MACROD2: variants seen among roughly 807,000 people sequenced by gnomAD.
MACROD2 encodes ADP-ribose glycohydrolase MACROD2.
Under a neutral mutation model 70.4 loss-of-function variants are expected in MACROD2, and 36 were observed. That is an observed-to-expected ratio of 0.51 (90% CI 0.39 to 0.68). The LOEUF (loss-of-function observed/expected upper bound fraction) is 0.68. Ranked by LOEUF, MACROD2 falls within the 30% of genes least tolerant of loss-of-function variation. MACROD2 has a pLI of 0.00. For synonymous variants in MACROD2, 172 were observed against 178.8 expected, an observed-to-expected ratio of 0.96 and a Z score of 0.30; for missense variants, 496 against 538.4, an observed-to-expected ratio of 0.92 and a Z score of 0.78.
chr20:14,361,682 C>T (rs1386967921), intron 3 of MACROD2, among the ~76,000 whole-genome samples: 1 of 152,054 alleles, frequency 6.6e-6, no homozygotes, highest in Non-Finnish European at 1.5e-5. Context: ...TTTAATGACC[C>T]GATACTGTTC....
At chr20:14,137,574 C>G (rs2054815948) in intron 3 of MACROD2, among the ~76,000 whole-genome samples, 2 of 152,020 alleles carry the variant, frequency 1.3e-5, no homozygotes, top group Non-Finnish European at 2.9e-5. Context: ...AACTTCATAT[C>G]CACCATGAAA....
intron 7 of MACROD2, among the ~76,000 whole-genome samples, chr20:15,436,227 A>G (rs180924404): frequency 2.3e-3 from 356 of 152,168 alleles, no homozygotes; most frequent in Middle Eastern, 6.8e-3. Context: ...GAGACTCCGT[A>G]ATTCACAAAA....
intron 8 of MACROD2, among the ~76,000 whole-genome samples, chr20:15,630,887 A>C (rs2049280557): frequency 6.6e-6 from 1 of 152,198 alleles, no homozygotes; most frequent in South Asian, 2.1e-4. Context: ...AGGGAATTTA[A>C]AGAGGGGACC....
intron 3 of MACROD2, among the ~76,000 whole-genome samples, chr20:14,266,555 A>G (rs2082145794): frequency 6.6e-6 from 1 of 152,140 alleles, no homozygotes; most frequent in African/African-American, 2.4e-5. Context: ...CATCATCTTC[A>G]TTTATATAGA....
intron 3 of MACROD2, among the ~76,000 whole-genome samples, chr20:14,439,659 C>A (rs1229036268): frequency 6.6e-6 from 1 of 152,016 alleles, no homozygotes; most frequent in African/African-American, 2.4e-5. Context: ...CTCTCTATGC[C>A]TCAGTTTTTT....
chr20:15,969,946 A>G (rs2066204835), intron 13 of MACROD2, among the ~76,000 whole-genome samples: 1 of 147,718 alleles, frequency 6.8e-6, no homozygotes, highest in Admixed American at 6.7e-5. Context: ...TATAAATAAT[A>G]TAAATAAATC....
intron 8 of MACROD2, among the ~76,000 whole-genome samples, chr20:15,577,975 T>C (rs1227982580): frequency 6.6e-6 from 1 of 152,210 alleles, no homozygotes; most frequent in Non-Finnish European, 1.5e-5. Flanking sequence ...AGTGAAGCAA[T>C]GAGCAACACA....
intron 5 of MACROD2, among the ~76,000 whole-genome samples, chr20:14,852,747 T>C (rs1279497278): frequency 2.0e-5 from 3 of 152,138 alleles, no homozygotes; most frequent in Non-Finnish European, 4.4e-5. Context: ...TGGAAGCAAA[T>C]TTTTTGCAGA....
chr20:14,752,800 A>T (rs2071891231), intron 5 of MACROD2, among the ~76,000 whole-genome samples: 2 of 152,226 alleles, frequency 1.3e-5, no homozygotes, highest in African/African-American at 4.8e-5. Context: ...TTTATTTGGA[A>T]TATGAGGCCA....
chr20:15,593,409 C>T (rs1365239581), intron 8 of MACROD2, among the ~76,000 whole-genome samples: 4 of 152,210 alleles, frequency 2.6e-5, no homozygotes, highest in African/African-American at 9.6e-5. Context: ...ATTTGTATCT[C>T]AAATTCTCTA....
At chr20:15,496,613 G>A (rs951702582) in intron 7 of MACROD2, among the ~76,000 whole-genome samples, 6 of 152,142 alleles carry the variant, frequency 3.9e-5, no homozygotes, top group Admixed American at 6.5e-5. Context: ...GTATTTATTC[G>A]TTTTTTATAG....
chr20:14,216,709 G>A (rs1266716268), intron 3 of MACROD2, among the ~76,000 whole-genome samples: 1 of 152,062 alleles, frequency 6.6e-6, no homozygotes. Context: ...TTTCCTTGTA[G>A]AGGTCTTTCG....
chr20:15,921,585 G>C (rs1016305039), intron 10 of MACROD2, among the ~76,000 whole-genome samples: 1 of 152,200 alleles, frequency 6.6e-6, no homozygotes, highest in African/African-American at 2.4e-5. Flanking sequence ...CACTTCTACA[G>C]GGAAGCCCTC....
intron 5 of MACROD2, among the ~76,000 whole-genome samples, chr20:15,173,131 A>AAAT (rs3070272): frequency 0.15 from 23,084 of 152,076 alleles, 2,720 homozygotes; most frequent in African/African-American, 0.33. Context: ...TGCAAATTTT[A>AAAT]AATAATAAAT....
chr20:14,481,618 A>T (rs2084664633), intron 3 of MACROD2, among the ~76,000 whole-genome samples: 1 of 152,212 alleles, frequency 6.6e-6, no homozygotes, highest in African/African-American at 2.4e-5. Flanking sequence ...GGCATTGGAT[A>T]TCCATCTATT....
At chr20:14,205,215 A>G (rs2081513046) in intron 3 of MACROD2, among the ~76,000 whole-genome samples, 1 of 152,154 alleles carries the variant, frequency 6.6e-6, no homozygotes, top group Non-Finnish European at 1.5e-5. Context: ...TCCTGAAAAC[A>G]TCTCTGGAAT....
intron 12 of MACROD2, among the ~76,000 whole-genome samples, chr20:15,948,742 G>A (rs946053202): frequency 6.6e-6 from 1 of 152,094 alleles, no homozygotes; most frequent in Non-Finnish European, 1.5e-5. Flanking sequence ...AAGGTAAGTG[G>A]TAGTTCCTTT....
At chr20:15,680,938 A>C (rs2050151475) in intron 8 of MACROD2, among the ~76,000 whole-genome samples, 1 of 152,242 alleles carries the variant, frequency 6.6e-6, no homozygotes, top group Admixed American at 6.5e-5. Flanking sequence ...AAAACTCATC[A>C]CATGATACTC....
intron 3 of MACROD2, among the ~76,000 whole-genome samples, chr20:14,407,278 G>T (rs1469220278): frequency 6.6e-6 from 1 of 151,880 alleles, no homozygotes; most frequent in African/African-American, 2.4e-5. Context: ...TTATTTGGCA[G>T]GTATAATCTT....
Sources: gnomAD v4.1 joint callset for allele counts (sites outside exome capture counted in the v4.1 genomes callset) on GRCh38, gnomAD v4.1.1 for gene constraint, MANE v1.5 for transcripts, NCBI Gene and HGNC (gene_info 2026-07-23, HGNC 2026-07-21) for gene names.